GLTP: variants seen among roughly 807,000 people sequenced by gnomAD.
GLTP encodes glycolipid transfer protein.
A neutral mutation model predicts 24.0 loss-of-function variants in GLTP; 22 were observed. The observed-to-expected ratio is 0.92, with a 90% CI of 0.65 to 1.31. The LOEUF (loss-of-function observed/expected upper bound fraction) is 1.31, where lower values mean the gene tolerates loss of function less well. Ranked by LOEUF, GLTP falls within the 50% of genes most tolerant of loss-of-function variation. GLTP has a pLI of 0.00. For synonymous variants in GLTP, 92 were observed against 115.9 expected (o/e 0.79, Z 1.33); for missense variants, 224 against 276.6 (o/e 0.81, Z 1.35).
intron 1 of GLTP, among the ~76,000 whole-genome samples, chr12:109,860,645 ATG>A (rs1020009532): frequency 6.6e-6 from 1 of 152,012 alleles, no homozygotes; most frequent in African/African-American, 2.4e-5. Flanking sequence ...ACCCAGTAGA[ATG>A]TTCTTAAATG....
chr12:109,862,082 C>T (rs1868380265), intron 1 of GLTP, among the ~76,000 whole-genome samples: 2 of 152,204 alleles, frequency 1.3e-5, no homozygotes, highest in African/African-American at 4.8e-5. Flanking sequence ...CTCTTTCCAA[C>T]GTCTGCAGAG....
chr12:109,876,253 G>A (rs149982702), intron 1 of GLTP, among the ~76,000 whole-genome samples: 19 of 152,246 alleles, frequency 1.2e-4, no homozygotes, highest in Admixed American at 3.3e-4. Flanking sequence ...CGAGGCATGA[G>A]GATCACTTGA....
At chr12:109,879,476 G>A (rs1868991787) in intron 1 of GLTP, among the ~76,000 whole-genome samples, 2 of 152,098 alleles carry the variant, frequency 1.3e-5, no homozygotes, top group African/African-American at 2.4e-5. Context: ...ATGCGCCCAG[G>A]AACTTCCACA....
chr12:109,863,785 C>T (rs1374390537), intron 1 of GLTP, among the ~76,000 whole-genome samples: 1 of 152,194 alleles, frequency 6.6e-6, no homozygotes, highest in African/African-American at 2.4e-5. Flanking sequence ...GTTTTTACTG[C>T]CACTGGCTGG....
chr12:109,859,476 G>A (rs1054168810), intron 1 of GLTP, among the ~76,000 whole-genome samples: 6 of 152,038 alleles, frequency 3.9e-5, no homozygotes, highest in Admixed American at 2.6e-4. Flanking sequence ...GGGAGATCAC[G>A]CCACTACACT....
Position 109,880,540 on chromosome 12 carries a change from T to A in GLTP, c.-166A>T, listed in dbSNP as rs1168561018. The A allele has an allele frequency of 6.1e-6, 1 of 163,212 alleles. No individual in the cohort carries two copies. The highest frequency in any genetic ancestry group is 1.3e-5 in the Non-Finnish European group (1 of 76,928). The allele number at this position is 163,212 out of a possible 1,614,324, so 10.1% of individuals were successfully genotyped here. On this transcript the variant is annotated 5_prime_UTR_variant, in exon 1 of 5. Transcript: ENST00000318348. This position sits in a 1 kb window ranked among gnomAD's most constrained non-coding sequence, Gnocchi z 5.1. ...GCACGGCGCCCTCGTAGCCGAGCGC[T>A]CAGCGCCGCCCGCCGGCCGAGCGCC...
Position 109,857,642 on chromosome 12 carries a change from G to A in GLTP, c.180C>T (p.Tyr60=), listed in dbSNP as rs201303852. 27 of 1,614,014 alleles carry A rather than the reference G, an allele frequency of 1.7e-5. No homozygotes were observed. Among genetic ancestry groups the A allele is most frequent in the African/African-American group, 8.0e-5 (6 of 74,996 alleles). The change falls in exon 3 of 5, where the codon TAC becomes TAT. Residue 60 remains tyrosine, a synonymous_variant. Transcript: ENST00000318348. The surrounding 1 kb of genome is among the most constrained non-coding windows in gnomAD (Gnocchi z 4.3). ...SGNITKIKAV[Y]DTNPAKFRTL... Reference sequence around the variant, plus strand: ...TCCGGAACTTGGCTGGGTTGGTGTCGTACACAGCTTTGATTTTCTGAAATG... The same window carrying A: ...TCCGGAACTTGGCTGGGTTGGTGTCATACACAGCTTTGATTTTCTGAAATG...
rs1343264002 is a variant in GLTP at position 109,855,004 on chromosome 12, G to A, written c.447+615C>T. Among the ~76,000 whole-genome samples, 3 of 152,256 alleles carry A rather than the reference G, an allele frequency of 2.0e-5. No homozygotes were observed. Among genetic ancestry groups the A allele is most frequent in the Admixed American group, 6.5e-5 (1 of 15,288 alleles). The stretch of plus-strand genomic sequence containing the variant: ...CAGAACAGGCCGGGCAGGAACACGT[G>A]GGTGAGATGAGGGCAGCAAGCAGCA... On this transcript the variant is annotated intron_variant, in intron 4 of 4. Coordinates refer to ENST00000318348, the MANE Select transcript of GLTP (RefSeq NM_016433.4). This position sits in a 1 kb window ranked among gnomAD's most constrained non-coding sequence, Gnocchi z 4.1.
At chr12:109,879,838 G>A (rs539108660) in intron 1 of GLTP, among the ~76,000 whole-genome samples, 165 of 152,228 alleles carry the variant, frequency 1.1e-3, no homozygotes, top group Non-Finnish European at 2.2e-3. Context: ...ATGAAATGGG[G>A]GGATTCATTG....
intron 1 of GLTP, among the ~76,000 whole-genome samples, chr12:109,860,766 G>C (rs1315988030): frequency 1.3e-5 from 2 of 152,150 alleles, no homozygotes; most frequent in Admixed American, 6.5e-5. Context: ...CAGTGCCTAG[G>C]ACTGCTGGGA....
intron 1 of GLTP, among the ~76,000 whole-genome samples, chr12:109,865,693 T>A (rs1442207618): frequency 2.6e-5 from 4 of 151,606 alleles, no homozygotes; most frequent in African/African-American, 9.7e-5. Context: ...CTTGGCCCCC[T>A]CAAAGTGCTG....
At chr12:109,872,160 T>C (rs149536738) in intron 1 of GLTP, among the ~76,000 whole-genome samples, 151 of 152,346 alleles carry the variant, frequency 9.9e-4, no homozygotes, top group African/African-American at 3.3e-3. Context: ...GCTGGAGCAA[T>C]TGTCAGACTT....
At chr12:109,879,534 G>A (rs958063595) in intron 1 of GLTP, among the ~76,000 whole-genome samples, 7 of 152,108 alleles carry the variant, frequency 4.6e-5, no homozygotes, top group African/African-American at 1.7e-4. Context: ...AACTGAGGGA[G>A]GAATTGGTGC....
At chr12:109,863,904 A>G (rs1868441360) in intron 1 of GLTP, among the ~76,000 whole-genome samples, 1 of 152,224 alleles carries the variant, frequency 6.6e-6, no homozygotes, top group African/African-American at 2.4e-5. Context: ...CCGGTCATTC[A>G]ACATGCATTT....
chr12:109,865,587 G>A (rs1436008182), intron 1 of GLTP, among the ~76,000 whole-genome samples: 5 of 151,322 alleles, frequency 3.3e-5, no homozygotes, highest in Admixed American at 1.3e-4. Flanking sequence ...GAGATTGCGC[G>A]TGAGATTCTG....
At chr12:109,853,131 A>G (rs1297160431) in intron 4 of GLTP, among the ~76,000 whole-genome samples, 2 of 152,198 alleles carry the variant, frequency 1.3e-5, no homozygotes, top group African/African-American at 4.8e-5. Flanking sequence ...GTAGGCACTC[A>G]GCACAACACC....
At chr12:109,869,886 C>T (rs1205159375) in intron 1 of GLTP, among the ~76,000 whole-genome samples, 1 of 152,044 alleles carries the variant, frequency 6.6e-6, no homozygotes, top group Non-Finnish European at 1.5e-5. Context: ...TCTCCTGCCT[C>T]AGCCTCCTGA....
Position 109,857,794 on chromosome 12 carries a change from G to A in GLTP, c.163-135C>T. 1 of 863,276 alleles carries A rather than the reference G, an allele frequency of 1.2e-6. No homozygotes were observed. The highest frequency in any genetic ancestry group is 1.9e-6 in the Non-Finnish European group (1 of 522,894). 53.5% of individuals were successfully genotyped at this position (863,276 alleles called of 1,614,324 possible). ...TCCAGGAACAGCAGGGATAAGACTTGTAACAATAACTATGACTGTTCACAT... is the reference window on the plus strand; with the variant it reads ...TCCAGGAACAGCAGGGATAAGACTTATAACAATAACTATGACTGTTCACAT... On this transcript the variant is annotated intron_variant, in intron 2 of 4. Coordinates refer to ENST00000318348, the MANE Select transcript of GLTP (RefSeq NM_016433.4). This position sits in a 1 kb window ranked among gnomAD's most constrained non-coding sequence, Gnocchi z 4.3.
At chr12:109,866,262 C>G (rs1463343263) in intron 1 of GLTP, 2 of 151,968 alleles carry the variant, frequency 1.3e-5, no homozygotes, top group Non-Finnish European at 2.9e-5. Flanking sequence ...AGTGGCCATT[C>G]ACAGGTGCAA....
Sources: allele counts gnomAD v4.1 joint callset (sites outside exome capture counted in the v4.1 genomes callset), GRCh38; gene constraint gnomAD v4.1.1; non-coding constraint Gnocchi (gnomAD v3.1); transcripts MANE v1.5; gene names NCBI Gene and HGNC (gene_info 2026-07-23, HGNC 2026-07-21).